Variants in PNPLA5 observed in about 807,000 individuals in gnomAD.
PNPLA5 encodes the protein patatin-like phospholipase domain-containing protein 5.
A neutral mutation model predicts 49.1 loss-of-function variants in PNPLA5; 44 were observed. The observed-to-expected ratio is 0.90, with a 90% confidence interval of 0.70 to 1.15. The LOEUF (loss-of-function observed/expected upper bound fraction) is 1.15, where lower values mean the gene tolerates loss of function less well. Among genes scored for constraint, PNPLA5 ranks in the 50% most tolerant of loss-of-function variants. The pLI, the probability that PNPLA5 is intolerant of heterozygous loss-of-function variation, is 0.00. For missense variants in PNPLA5, 603 were observed against 564.0 expected (o/e 1.07, Z -0.70); for synonymous variants, 243 against 244.4 (o/e 0.99, Z 0.06).
intron 4 of PNPLA5, among the ~76,000 whole-genome samples, chr22:43,889,011 G>A (rs1052039349): frequency 6.6e-6 from 1 of 152,160 alleles, no homozygotes; most frequent in East Asian, 1.9e-4. Flanking sequence ...AAATGATAAC[G>A]GTACCTGCCT....
rs371877585 is a variant in PNPLA5 at position 43,884,288 on chromosome 22, C to A, written c.1007G>T (p.Gly336Val). 1 of 1,601,412 alleles carries A rather than the reference C, an allele frequency of 6.2e-7. No homozygotes were observed. Among genetic ancestry groups the A allele is most frequent in the East Asian group, 2.3e-5 (1 of 43,252 alleles). Residue 336 changes from glycine to valine, a missense_variant, in exon 7 of 9, where the codon GGG becomes GTG. Physicochemically the swap from Gly to Val is moderately radical, Grantham distance 109. Transcript: ENST00000216177. The stretch of plus-strand genomic sequence containing the variant: ...CAGGTACGTCAGCACCTGTCCAGGC[C>A]CCGAGTGCCAGAAGCGGGCCCACCG... ...PSRWARFWHS[G>V]PGQVLTYLLL...
At chr22:43,887,743 A>G in intron 4 of PNPLA5, 92 bp from the exon 5 acceptor site, 4 of 1,545,316 alleles carry the variant, frequency 2.6e-6, no homozygotes, top group Non-Finnish European at 3.5e-6. Flanking sequence ...TTCAACTGGA[A>G]ATAGTCCCAG....
At chr22:43,890,932 A>T in intron 2 of PNPLA5, 130 bp downstream of exon 2, 3 of 1,231,786 alleles carry the variant, frequency 2.4e-6, no homozygotes, top group Admixed American at 2.4e-5. Context: ...TTCCTCACCT[A>T]CAAACAGGTC....
At chr22:43,884,100 T>TA in intron 7 of PNPLA5, 113 bp downstream of exon 7, 13 of 867,268 alleles carry the variant, frequency 1.5e-5, no homozygotes, top group East Asian at 5.8e-5. Context: ...CCAGCCGGGC[T>TA]CCCCCCACCC....
At chr22:43,888,411 T>TGTGTGTGTGTGTGTG (rs2049688550) in intron 4 of PNPLA5, among the ~76,000 whole-genome samples, 1 of 134,600 alleles carries the variant, frequency 7.4e-6, no homozygotes, top group African/African-American at 2.7e-5. Flanking sequence ...TGTGTGTGTG[T>TGTGTGTGTGTGTGTG]TTCTTTCTTT....
intron 5 of PNPLA5, 125 bp downstream of exon 5, chr22:43,887,466 C>A: frequency 8.5e-7 from 1 of 1,180,912 alleles, no homozygotes; most frequent in South Asian, 1.4e-5. Context: ...AGGTCCAGCA[C>A]AGAGCAGATG....
rs1224875698 is a variant in PNPLA5 at position 43,891,160 on chromosome 22, C to A, written c.328G>T (p.Val110Phe). ...LQDALPPDAH[V>F]LASQRLGISL... The stretch of plus-strand genomic sequence containing the variant: ...ATGCCCAGCCGCTGGGAGGCCAGGA[C>A]GTGGGCGTCGGGGGGCAGAGCATCC... Residue 110 changes from valine to phenylalanine, a missense_variant, in exon 2 of 9, where the codon GTC becomes TTC. Coordinates refer to ENST00000216177, the MANE Select transcript of PNPLA5 (RefSeq NM_138814.4). The A allele has an allele frequency of 6.2e-7, 1 of 1,600,926 alleles. No homozygotes were observed. Among genetic ancestry groups the A allele is most frequent in the Non-Finnish European group, 8.5e-7 (1 of 1,171,612 alleles).
At chr22:43,884,403 G>A in intron 6 of PNPLA5, 58 bp from the exon 7 acceptor site, 1 of 1,470,352 alleles carries the variant, frequency 6.8e-7, no homozygotes, top group Non-Finnish European at 9.0e-7. Flanking sequence ...CCAGCAACCT[G>A]AGCCCCCCCA....
chr22:43,884,482 C>A, intron 6 of PNPLA5, 137 bp from the exon 7 acceptor site: 1 of 1,246,432 alleles, frequency 8.0e-7, no homozygotes, highest in South Asian at 2.1e-5. Flanking sequence ...AGCAAGCCCC[C>A]ACCACAGGCC....
intron 6 of PNPLA5, among the ~76,000 whole-genome samples, chr22:43,885,309 C>A (rs2049651956): frequency 6.6e-6 from 1 of 152,110 alleles, no homozygotes; most frequent in Non-Finnish European, 1.5e-5. Context: ...CCTTCCTCAT[C>A]CCCTTGCCCA....
At position 43,881,814 on chromosome 22, in the gene PNPLA5, C is replaced by T. The variant is rs148786627; in HGVS notation, c.1083-140G>A. On this transcript the variant is annotated intron_variant, in intron 7 of 8. Coordinates refer to ENST00000216177, the MANE Select transcript of PNPLA5 (RefSeq NM_138814.4). ...CAGGTTAGGGAAGAAGGGCCAGCAG[C>T]GTTGGCCACTGTTGCAGAGCAGGTC... 387 of 1,416,950 alleles carry T rather than the reference C, an allele frequency of 2.7e-4. 7 individuals carry two copies. The East Asian group carries it at 9.3e-3, about 34-fold the overall frequency. The allele number at this position is 1,416,950 out of a possible 1,614,324, so 87.8% of individuals were successfully genotyped here.
intron 8 of PNPLA5, 68 bp from the exon 9 acceptor site, chr22:43,880,953 T>G: frequency 7.8e-7 from 1 of 1,282,016 alleles, no homozygotes; most frequent in Non-Finnish European, 9.9e-7. Context: ...ACCACGTGGG[T>G]GCAGGCGCAG....
At chr22:43,886,911 TTG>T (rs749646448) in intron 5 of PNPLA5, among the ~76,000 whole-genome samples, 3 of 152,288 alleles carry the variant, frequency 2.0e-5, no homozygotes, top group Non-Finnish European at 4.4e-5. Flanking sequence ...TGCCTCCTGA[TTG>T]TGTGTTTTTG....
In PNPLA5 at chr22:43,889,377, A is replaced by C; in HGVS notation, c.654T>G (p.Thr218=). Residue 218 remains threonine, a synonymous_variant, in exon 4 of 9, where the codon ACT becomes ACG. Coordinates refer to ENST00000216177, the MANE Select transcript of PNPLA5 (RefSeq NM_138814.4). ...ATATGAGCCCCAGGAAGAAGTTCTC[A>C]GTGGAGATTTGGAAGCTGAAGTTGA... ...NVFNFSFQIS[T]ENFFLGLICL... The C allele has an allele frequency of 6.2e-7, 1 of 1,613,864 alleles. No individual in the cohort carries two copies. Among genetic ancestry groups the C allele is most frequent in the Non-Finnish European group, 8.5e-7 (1 of 1,179,944 alleles).
Position 43,891,092 on chromosome 22 carries a change from A to G in PNPLA5, c.396T>C (p.Thr132=). 1 of 1,611,154 alleles carries G rather than the reference A, an allele frequency of 6.2e-7. No homozygotes were observed. The part of the protein sequence containing the change: ...RWPDGRNFLV[T]DFATCDELIQ... ...TGAGCTCATCGCAGGTGGCGAAGTC[A>G]GTGACCAAGAAGTTGCGTCCGTCAG... Residue 132 remains threonine, a synonymous_variant, in exon 2 of 9, where the codon ACT becomes ACC. Coordinates refer to ENST00000216177, the MANE Select transcript of PNPLA5 (RefSeq NM_138814.4).
At chr22:43,887,825 G>A in intron 4 of PNPLA5, 174 bp from the exon 5 acceptor site, 1 of 946,740 alleles carries the variant, frequency 1.1e-6, no homozygotes, top group Non-Finnish European at 1.3e-6. Context: ...CTTAGCACTG[G>A]GCAGGAGGGG....
Position 43,891,306 on chromosome 22 carries a change from G to T in PNPLA5, c.194-12C>A, listed in dbSNP as rs916357. On this transcript the variant is annotated splice_polypyrimidine_tract_variant and intron_variant, in intron 1 of 8. Coordinates refer to ENST00000216177, the MANE Select transcript of PNPLA5 (RefSeq NM_138814.4). ...GGAGCAGCAGAAGTCTGCAGTGGGG[G>T]CAGGGAAAGGGAGACCTCAGCGCCC... 4 of 1,548,528 alleles carry T rather than the reference G, an allele frequency of 2.6e-6. No homozygotes were observed. Among genetic ancestry groups the T allele is most frequent in the Non-Finnish European group, 3.5e-6 (4 of 1,151,608 alleles).
chr22:43,889,282 C>T (rs1268964442), intron 4 of PNPLA5, 47 bp downstream of exon 4: 1 of 1,602,734 alleles, frequency 6.2e-7, no homozygotes, highest in Non-Finnish European at 8.5e-7. Flanking sequence ...CTCACGGGGC[C>T]CTTGACCTTG....
At chr22:43,881,377 T>C (rs2049608652) in intron 8 of PNPLA5, among the ~76,000 whole-genome samples, 181 bp downstream of exon 8, 1 of 152,100 alleles carries the variant, frequency 6.6e-6, no homozygotes. Flanking sequence ...CTAGCACAGG[T>C]CGGGCGCACA....
Sources: gnomAD v4.1 joint callset for allele counts (sites outside exome capture counted in the v4.1 genomes callset) on GRCh38, gnomAD v4.1.1 for gene constraint, MANE v1.5 for transcripts, NCBI Gene and HGNC (gene_info 2026-07-23, HGNC 2026-07-21) for gene names.